Variants in SLC12A8 observed in about 807,000 individuals in gnomAD.
SLC12A8 encodes the protein solute carrier family 12 member 8, also known as cation-chloride cotransporter 9.
SLC12A8 carries 69 observed loss-of-function variants against 75.6 expected under a neutral mutation model. The ratio of observed to expected loss-of-function variants is 0.91; its 90% CI spans 0.75 to 1.11. The LOEUF (loss-of-function observed/expected upper bound fraction) is 1.11, where lower values mean the gene tolerates loss of function less well. Among genes scored for constraint, SLC12A8 ranks in the 50% most tolerant of loss-of-function variants. The pLI is 0.00. For missense variants in SLC12A8, 877 were observed against 896.7 expected, an observed-to-expected ratio of 0.98 and a Z score of 0.28; for synonymous variants, 365 against 372.8, an observed-to-expected ratio of 0.98 and a Z score of 0.24.
intron 2 of SLC12A8, among the ~76,000 whole-genome samples, chr3:125,207,037 C>T (rs9870956): frequency 0.51 from 77,406 of 151,862 alleles, 20,582 homozygotes; most frequent in South Asian, 0.64. Flanking sequence ...CATGAGAGAG[C>T]AAGAGAGGAG....
intron 5 of SLC12A8, among the ~76,000 whole-genome samples, chr3:125,152,159 C>G (rs960888402): frequency 7.9e-5 from 12 of 152,212 alleles, no homozygotes; most frequent in African/African-American, 2.9e-4. Flanking sequence ...CCCACAGTTA[C>G]TGGGGCAGAG....
intron 13 of SLC12A8, among the ~76,000 whole-genome samples, chr3:125,084,913 T>C (rs968273476): frequency 6.6e-6 from 1 of 152,262 alleles, no homozygotes; most frequent in African/African-American, 2.4e-5. Context: ...TCTAAAAGAA[T>C]CATCTACTTT....
intron 6 of SLC12A8, among the ~76,000 whole-genome samples, chr3:125,133,446 C>A (rs1398119688): frequency 6.6e-6 from 1 of 151,930 alleles, no homozygotes; most frequent in African/African-American, 2.4e-5. Context: ...GACCAAAGCT[C>A]ACTGTAGCCT....
chr3:125,110,276 G>T lies in SLC12A8; in HGVS notation c.972C>A (p.Cys324Ter), dbSNP rs1034194774. 1 of 1,614,076 alleles carries T rather than the reference G, an allele frequency of 6.2e-7. No homozygotes were observed. Among genetic ancestry groups the T allele is most frequent in the Non-Finnish European group, 8.5e-7 (1 of 1,179,942 alleles). Residue 324 changes from cysteine to a stop codon, truncating the protein, a stop_gained, in exon 9 of 14, where the codon TGC becomes TGA. Coordinates refer to ENST00000469902, the MANE Select transcript of SLC12A8 (RefSeq NM_024628.6). LOFTEE classifies it high-confidence loss of function. ...LGLYISSLAS[C>*]MGGLYGAPRI... Reference sequence around the variant, plus strand: ...GGGGAGCTCCATAAAGTCCTCCCATGCAGGAAGCCAGGGACGAGATGTATA... The same window carrying T: ...GGGGAGCTCCATAAAGTCCTCCCATTCAGGAAGCCAGGGACGAGATGTATA...
At chr3:125,138,271 T>C (rs995974987) in intron 5 of SLC12A8, among the ~76,000 whole-genome samples, 15 of 151,988 alleles carry the variant, frequency 9.9e-5, no homozygotes, top group African/African-American at 3.6e-4. Context: ...CGTGATGGGG[T>C]GTGCCTGTAG....
intron 2 of SLC12A8, among the ~76,000 whole-genome samples, chr3:125,210,785 G>A (rs1417297821): frequency 6.6e-6 from 1 of 152,052 alleles, no homozygotes; most frequent in African/African-American, 2.4e-5. Flanking sequence ...TAAGGGATCA[G>A]CTCTCCATTT....
intron 5 of SLC12A8, among the ~76,000 whole-genome samples, chr3:125,147,798 C>T (rs531483115): frequency 2.0e-5 from 3 of 152,296 alleles, no homozygotes; most frequent in South Asian, 4.1e-4. Flanking sequence ...TGGTCCCCAA[C>T]CTGCGGCATT....
intron 5 of SLC12A8, among the ~76,000 whole-genome samples, chr3:125,149,827 A>C (rs899216387): frequency 6.6e-6 from 1 of 152,182 alleles, no homozygotes; most frequent in Non-Finnish European, 1.5e-5. Context: ...AGGATGAGGC[A>C]CAAAGAAAAG....
At chr3:125,153,154 G>A (rs1933971710) in intron 5 of SLC12A8, among the ~76,000 whole-genome samples, 2 of 152,172 alleles carry the variant, frequency 1.3e-5, no homozygotes, top group Admixed American at 1.3e-4. Flanking sequence ...CTCACTGGAT[G>A]CTGATCCACT....
At chr3:125,174,776 T>C (rs1246883135) in intron 5 of SLC12A8, among the ~76,000 whole-genome samples, 4 of 152,114 alleles carry the variant, frequency 2.6e-5, no homozygotes, top group Non-Finnish European at 5.9e-5. Context: ...AAGGCAAAAC[T>C]ATGGAAACAG....
intron 5 of SLC12A8, among the ~76,000 whole-genome samples, chr3:125,160,026 C>T (rs1026084284): frequency 1.3e-5 from 2 of 152,218 alleles, no homozygotes; most frequent in Non-Finnish European, 2.9e-5. Flanking sequence ...ACTGTGACCT[C>T]GAACTCTTGG....
At chr3:125,125,563 A>G (rs976025946) in intron 6 of SLC12A8, among the ~76,000 whole-genome samples, 1 of 152,210 alleles carries the variant, frequency 6.6e-6, no homozygotes, top group African/African-American at 2.4e-5. Context: ...CGTCTCAAAA[A>G]CAATAAAAAT....
rs545986021 is a variant in SLC12A8, at chr3:125,161,258, A to C, written c.622+16485T>G. On this transcript the variant is annotated intron_variant, in intron 5 of 13. Coordinates refer to ENST00000469902, the MANE Select transcript of SLC12A8 (RefSeq NM_024628.6). ...TTGAATGCATTGGCCATTGATCAAA[A>C]ATGAGGTCACTGCAATCCTATGTGC... is the stretch of plus-strand genomic sequence containing the variant. 3.9e-5 allele frequency among the ~76,000 whole-genome samples: 6 copies of C among 152,372 alleles called. No homozygotes were observed. In the South Asian group the frequency reaches 1.2e-3, roughly 32 times the overall value.
At chr3:125,102,483 G>C (rs1381620670) in intron 10 of SLC12A8, among the ~76,000 whole-genome samples, 1 of 152,168 alleles carries the variant, frequency 6.6e-6, no homozygotes, top group Non-Finnish European at 1.5e-5. Context: ...AGAGAGACAT[G>C]ATGAGAGTTT....
rs549186237 is a variant in SLC12A8, at chr3:125,121,199, C to T, written c.737-513G>A. ...GAAATAAACTCCAAAAAAACCAATCCTGATGCCACTGACATGGAGTCACAA... is the reference window on the plus strand; with the variant it reads ...GAAATAAACTCCAAAAAAACCAATCTTGATGCCACTGACATGGAGTCACAA... On this transcript the variant is annotated intron_variant, in intron 6 of 13. Coordinates refer to ENST00000469902, the MANE Select transcript of SLC12A8 (RefSeq NM_024628.6). 7.2e-5 allele frequency among the ~76,000 whole-genome samples: 11 copies of T among 152,364 alleles called. No individual in the cohort carries two copies. In the South Asian group the frequency reaches 2.1e-3, roughly 29 times the overall value.
chr3:125,179,151 G>A (rs1288995691), intron 4 of SLC12A8, among the ~76,000 whole-genome samples: 1 of 151,786 alleles, frequency 6.6e-6, no homozygotes, highest in East Asian at 1.9e-4. Flanking sequence ...ATTCTATTAG[G>A]GCCTCATTCG....
At chr3:125,151,217 G>A (rs893702296) in intron 5 of SLC12A8, 6 of 152,216 alleles carry the variant, frequency 3.9e-5, no homozygotes, top group Non-Finnish European at 1.5e-5. Context: ...AGGCTAATTG[G>A]AGAAGGTGGG....
intron 5 of SLC12A8, among the ~76,000 whole-genome samples, chr3:125,140,269 T>C (rs1933596966): frequency 6.6e-6 from 1 of 152,188 alleles, no homozygotes; most frequent in Non-Finnish European, 1.5e-5. Context: ...GACCTTACAA[T>C]GTCATACTTG....
intron 3 of SLC12A8, 66 bp from the exon 4 acceptor site, chr3:125,187,494 G>T: frequency 6.8e-7 from 1 of 1,463,956 alleles, no homozygotes; most frequent in Non-Finnish European, 9.4e-7. Context: ...CCCTGCTGGG[G>T]GCATTGACCA....
Sources: gnomAD v4.1 joint callset for allele counts (sites outside exome capture counted in the v4.1 genomes callset) on GRCh38, gnomAD v4.1.1 for gene constraint, MANE v1.5 for transcripts, NCBI Gene and HGNC (gene_info 2026-07-23, HGNC 2026-07-21) for gene names.